The following KCNE1 variants were observed in gnomAD, a reference collection of about 807,000 sequenced individuals.
KCNE1 encodes the protein potassium voltage-gated channel subfamily E regulatory subunit 1, also known as potassium voltage-gated channel subfamily E member 1.
Under a neutral mutation model 2.9 loss-of-function variants are expected in KCNE1, and 1 was observed. The ratio of observed to expected loss-of-function variants is 0.34; its 90% CI spans 0.12 to 1.62. The LOEUF (loss-of-function observed/expected upper bound fraction) is 1.62. Among genes scored for constraint, KCNE1 ranks in the 40% most tolerant of loss-of-function variants. The probability of loss-of-function intolerance (pLI) is 0.36; values close to 1 mark genes in which losing one functional copy is unlikely to be tolerated. For synonymous variants in KCNE1, 23 were observed against 65.4 expected, an observed-to-expected ratio of 0.35 and a Z score of 3.13; for missense variants, 45 against 150.5, an observed-to-expected ratio of 0.30 and a Z score of 3.67.
At chr21:34,505,873 C>T (rs928905690) in intron 2 of KCNE1, among the ~76,000 whole-genome samples, 1 of 152,220 alleles carries the variant, frequency 6.6e-6, no homozygotes, top group African/African-American at 2.4e-5. Context: ...CTAGAGTCAT[C>T]CCACCTCCCA....
Position 34,446,769 on chromosome 21 carries a change from G to T in KCNE1, c.*2476C>A, listed in dbSNP as rs1980672179. ...TTGTCCTAGCTAATGAATGCATAGA[G>T]TATTGCCTGCAAAATAATAATTGAG... On this transcript the variant is annotated 3_prime_UTR_variant, in exon 4 of 4. Transcript: ENST00000399286. 1.2e-5 allele frequency: 1 copy of T among 82,648 alleles called. No individual in the cohort carries two copies. The highest frequency in any genetic ancestry group is 3.8e-4 in the South Asian group (1 of 2,604). The allele number at this position is 82,648 out of a possible 1,614,324, so 5.1% of individuals were successfully genotyped here. A position where few individuals can be genotyped will look rare whatever the true frequency, so the allele number is the denominator to read the frequency against.
At chr21:34,504,751 A>G (rs1222574376) in intron 2 of KCNE1, among the ~76,000 whole-genome samples, 1 of 152,246 alleles carries the variant, frequency 6.6e-6, no homozygotes, top group Non-Finnish European at 1.5e-5. Flanking sequence ...TTGATATACC[A>G]TGGATGAACC....
chr21:34,496,289 G>A (rs1982801826), intron 2 of KCNE1, among the ~76,000 whole-genome samples: 1 of 152,086 alleles, frequency 6.6e-6, no homozygotes, highest in Non-Finnish European at 1.5e-5. Flanking sequence ...TAGCCAGGAT[G>A]GTCTTGATCT....
chr21:34,497,199 T>C (rs758668457), intron 2 of KCNE1, among the ~76,000 whole-genome samples: 7 of 152,224 alleles, frequency 4.6e-5, no homozygotes, highest in Non-Finnish European at 7.3e-5. Flanking sequence ...GTTCTATTCA[T>C]TGTGCTAGTT....
chr21:34,497,341 G>C (rs1332819784), intron 2 of KCNE1, among the ~76,000 whole-genome samples: 1 of 152,108 alleles, frequency 6.6e-6, no homozygotes, highest in African/African-American at 2.4e-5. Flanking sequence ...TAAAGATTTA[G>C]AACTCCTTTT....
chr21:34,509,250 A>C (rs1404557791), intron 2 of KCNE1, among the ~76,000 whole-genome samples: 1 of 152,202 alleles, frequency 6.6e-6, no homozygotes, highest in African/African-American at 2.4e-5. Context: ...TGGAGGACGG[A>C]GGTGTCCTCT....
chr21:34,501,493 C>T (rs571539751), intron 2 of KCNE1, among the ~76,000 whole-genome samples: 26 of 152,228 alleles, frequency 1.7e-4, no homozygotes, highest in Admixed American at 1.6e-3. Flanking sequence ...TCAAGCATTG[C>T]TATTATTTTA....
At chr21:34,500,530 C>A (rs1983101185) in intron 2 of KCNE1, among the ~76,000 whole-genome samples, 1 of 152,190 alleles carries the variant, frequency 6.6e-6, no homozygotes, top group Admixed American at 6.5e-5. Context: ...AAAACACTTA[C>A]ATGGTTCAAA....
intron 2 of KCNE1, among the ~76,000 whole-genome samples, chr21:34,509,279 C>T (rs373886689): frequency 1.3e-5 from 2 of 152,270 alleles, no homozygotes; most frequent in Non-Finnish European, 2.9e-5. Flanking sequence ...GGCTGCTGGC[C>T]GGGGGCCATC....
intron 2 of KCNE1, chr21:34,510,335 C>T (rs935124936): frequency 1.1e-4 from 17 of 152,380 alleles, no homozygotes; most frequent in South Asian, 4.1e-4. Flanking sequence ...GACACCCACC[C>T]GCTGAGCCCC....
rs1601111766 is a variant in KCNE1, at chr21:34,512,058, C to G, written c.-408G>C. ...CCTTGCATCAAAGGACTCGGGGACT[C>G]TGCTGCAGTCATCCTAGCACGGTCG... On this transcript the variant is annotated 5_prime_UTR_variant, in exon 1 of 4. Transcript: ENST00000399286. The G allele has an allele frequency of 6.6e-6, 1 of 152,288 alleles. No individual in the cohort carries two copies. Among genetic ancestry groups the G allele is most frequent in the Non-Finnish European group, 1.5e-5 (1 of 68,104 alleles). 9.4% of individuals were successfully genotyped at this position (152,288 alleles called of 1,614,324 possible).
At chr21:34,497,690 A>G (rs967533118) in intron 2 of KCNE1, among the ~76,000 whole-genome samples, 2 of 152,308 alleles carry the variant, frequency 1.3e-5, no homozygotes, top group Middle Eastern at 3.4e-3. Flanking sequence ...TGAATTTCCC[A>G]GGTATTCTTT....
chr21:34,511,402 G>A, intron 1 of KCNE1, 87 bp from the exon 2 acceptor site: 12 of 538,396 alleles, frequency 2.2e-5, no homozygotes, highest in Non-Finnish European at 2.4e-5. Context: ...GTTTAGTCAT[G>A]AGGGCTCCAC....
At chr21:34,499,659 T>G (rs1202675833) in intron 2 of KCNE1, among the ~76,000 whole-genome samples, 2 of 152,234 alleles carry the variant, frequency 1.3e-5, no homozygotes, top group Admixed American at 1.3e-4. Context: ...CCATTTCAGC[T>G]GTAGATACGG....
intron 2 of KCNE1, among the ~76,000 whole-genome samples, chr21:34,502,594 G>A (rs954837466): frequency 1.7e-4 from 26 of 152,148 alleles, no homozygotes; most frequent in African/African-American, 6.3e-4. Flanking sequence ...CTCACCTTGG[G>A]CTATGATTAG....
At chr21:34,454,025 CT>C in intron 3 of KCNE1, among the ~76,000 whole-genome samples, 1 of 117,262 alleles carries the variant, frequency 8.5e-6, no homozygotes, top group South Asian at 2.9e-4. Flanking sequence ...TACTGCTGGT[CT>C]GGAGGCCCTG....
chr21:34,502,102 A>C (rs1422609442), intron 2 of KCNE1, among the ~76,000 whole-genome samples: 1 of 152,176 alleles, frequency 6.6e-6, no homozygotes, highest in African/African-American at 2.4e-5. Flanking sequence ...CCAGCTCTCT[A>C]AAATACCTTG....
chr21:34,498,428 A>T (rs1416832616), intron 2 of KCNE1, among the ~76,000 whole-genome samples: 3 of 152,104 alleles, frequency 2.0e-5, no homozygotes, highest in African/African-American at 7.2e-5. Flanking sequence ...TCCCCTAGGG[A>T]TGGGGCTTCC....
intron 2 of KCNE1, chr21:34,509,687 C>T (rs534332575): frequency 6.6e-6 from 1 of 152,352 alleles, no homozygotes; most frequent in South Asian, 2.1e-4. Flanking sequence ...GATCTCCTGA[C>T]CTCGTGATCC....
Sources: allele counts gnomAD v4.1 joint callset (sites outside exome capture counted in the v4.1 genomes callset), GRCh38; gene constraint gnomAD v4.1.1; transcripts MANE v1.5; gene names NCBI Gene and HGNC (gene_info 2026-07-23, HGNC 2026-07-21).